PRR27: variants seen among roughly 807,000 people sequenced by gnomAD.
PRR27 encodes the protein proline-rich protein 27.
In PRR27, 12 loss-of-function variants were observed where a neutral mutation model predicts 16.8. The observed-to-expected ratio is 0.71, with a 90% CI of 0.46 to 1.16. The LOEUF is 1.16. PRR27 is among the 50% of genes most tolerant of loss of function. The pLI is 0.00. For synonymous variants in PRR27, 100 were observed against 98.4 expected (o/e 1.02, Z -0.10); for missense variants, 277 against 273.3 (o/e 1.01, Z -0.10).
chr4:70,155,224 A>G (rs1728447673), intron 1 of PRR27, among the ~76,000 whole-genome samples: 1 of 152,094 alleles, frequency 6.6e-6, no homozygotes, highest in East Asian at 1.9e-4. Context: ...ATTTTCCTGT[A>G]CTTTTTATTT....
At chr4:70,155,681 T>G (rs1157204986) in intron 1 of PRR27, among the ~76,000 whole-genome samples, 1 of 129,012 alleles carries the variant, frequency 7.8e-6, no homozygotes, top group African/African-American at 2.7e-5. Flanking sequence ...GGCCACACTT[T>G]AACACACAGA....
chr4:70,166,512 A>G lies in PRR27; in HGVS notation c.*3851A>G. ...TGTCGATAAGTTACAAAATCCATAT[A>G]TGAGTATGACACCAATAAGAACATT... On this transcript the variant is annotated 3_prime_UTR_variant, in exon 5 of 5. Transcript: ENST00000344526. 6.6e-6 allele frequency: 1 copy of G among 152,138 alleles called. No individual in the cohort carries two copies. The highest frequency in any genetic ancestry group is 1.9e-4 in the East Asian group (1 of 5,202). The allele number at this position is 152,138 out of a possible 1,614,324, so 9.4% of individuals were successfully genotyped here.
Position 70,156,043 on chromosome 4 carries a change from C to T in PRR27, c.52-11C>T. The T allele has an allele frequency of 7.1e-7, 1 of 1,417,144 alleles. No homozygotes were observed. Among genetic ancestry groups the T allele is most frequent in the Non-Finnish European group, 9.5e-7 (1 of 1,053,572 alleles). 87.8% of individuals were successfully genotyped at this position (1,417,144 alleles called of 1,614,324 possible). Reference sequence around the variant, plus strand: ...CATAACCGCATTAAAATATATTTTTCTTTATTTTAGAGACGGTTCCCCTTC... The same window carrying T: ...CATAACCGCATTAAAATATATTTTTTTTTATTTTAGAGACGGTTCCCCTTC... On this transcript the variant is annotated splice_polypyrimidine_tract_variant and intron_variant, in intron 1 of 4. Coordinates refer to ENST00000344526, the MANE Select transcript of PRR27 (RefSeq NM_214711.4).
At position 70,164,487 on chromosome 4, in the gene PRR27, G is replaced by C. The variant is rs1375724104; in HGVS notation, c.*1826G>C. 2.6e-5 allele frequency: 4 copies of C among 152,146 alleles called. No individual in the cohort carries two copies. The highest frequency in any genetic ancestry group is 3.2e-3 in the Middle Eastern group (1 of 316). 9.4% of individuals were successfully genotyped at this position (152,146 alleles called of 1,614,324 possible). ...TCTTAGACAGTAAAATTGTTAACTT[G>C]AGATGTTTGCTTCCATCTTCTAGAG... On this transcript the variant is annotated 3_prime_UTR_variant, in exon 5 of 5. Transcript: ENST00000344526.
Position 70,161,572 on chromosome 4 carries a change from T to C in PRR27, c.649-14T>C. 3 of 1,502,538 alleles carry C rather than the reference T, an allele frequency of 2.0e-6. No individual in the cohort carries two copies. The highest frequency in any genetic ancestry group is 1.7e-5 in the Admixed American group (1 of 58,228). 93.1% of individuals were successfully genotyped at this position (1,502,538 alleles called of 1,614,324 possible). ...GATTGTTTATGAAAAGATCTTTTTTTTAATGTTTTCTAGGCAAATCAGTGA... is the reference window on the plus strand; with the variant it reads ...GATTGTTTATGAAAAGATCTTTTTTCTAATGTTTTCTAGGCAAATCAGTGA... On this transcript the variant is annotated splice_polypyrimidine_tract_variant and intron_variant, in intron 3 of 4. Coordinates refer to ENST00000344526, the MANE Select transcript of PRR27 (RefSeq NM_214711.4).
At chr4:70,159,022 G>C (rs1320399036) in intron 3 of PRR27, 122 bp downstream of exon 3, 1 of 860,866 alleles carries the variant, frequency 1.2e-6, no homozygotes, top group Non-Finnish European at 1.8e-6. Context: ...GCTTTATTCA[G>C]ATACAATTGA....
chr4:70,154,762 T>C (rs1728438448), intron 1 of PRR27: 1 of 1,324,866 alleles, frequency 7.5e-7, no homozygotes, highest in Non-Finnish European at 9.9e-7. Context: ...GGATTGGGCT[T>C]CCTATGGCTG....
intron 2 of PRR27, among the ~76,000 whole-genome samples, chr4:70,156,848 A>G (rs1038734474): frequency 4.1e-5 from 6 of 147,542 alleles, no homozygotes; most frequent in Non-Finnish European, 6.0e-5. Flanking sequence ...TTTAAAATAG[A>G]AATATTATTA....
intron 4 of PRR27, 67 bp downstream of exon 4, chr4:70,161,697 C>G: frequency 1.4e-6 from 1 of 710,798 alleles, no homozygotes; most frequent in Non-Finnish European, 2.3e-6. Flanking sequence ...TAATCTGAAG[C>G]TACCTTGGAA....
rs897303510 is a variant in PRR27, at chr4:70,164,915, A to C, written c.*2254A>C. 6.6e-6 allele frequency: 1 copy of C among 152,142 alleles called. No homozygotes were observed. The highest frequency in any genetic ancestry group is 2.4e-5 in the African/African-American group (1 of 41,444). The allele number at this position is 152,142 out of a possible 1,614,324, so 9.4% of individuals were successfully genotyped here. A position where few individuals can be genotyped will look rare whatever the true frequency, so the allele number is the denominator to read the frequency against. On this transcript the variant is annotated 3_prime_UTR_variant, in exon 5 of 5. Transcript: ENST00000344526. ...AAGAAAATTTTGGAATTTTAAAAAT[A>C]AACATGACATCTTATCATGAGAAAC...
chr4:70,158,992 C>A, intron 3 of PRR27, 92 bp downstream of exon 3: 1 of 1,149,030 alleles, frequency 8.7e-7, no homozygotes, highest in Non-Finnish European at 1.2e-6. Context: ...AAATCTATAT[C>A]AACTTAAATA....
chr4:70,160,263 C>A (rs950327315), intron 3 of PRR27, among the ~76,000 whole-genome samples: 7 of 152,030 alleles, frequency 4.6e-5, no homozygotes, highest in Non-Finnish European at 8.8e-5. Context: ...ATGCTTAGCT[C>A]CCATTTATAA....
intron 2 of PRR27, among the ~76,000 whole-genome samples, chr4:70,157,235 T>C (rs1176091912): frequency 2.0e-5 from 3 of 152,068 alleles, no homozygotes; most frequent in Non-Finnish European, 4.4e-5. Context: ...GGCTGGGGAA[T>C]GTAGCATCCC....
At position 70,154,673 on chromosome 4, in the gene PRR27, G is replaced by T. The variant is rs376042536; in HGVS notation, c.51+247G>T. On this transcript the variant is annotated intron_variant, in intron 1 of 4. Coordinates refer to ENST00000344526, the MANE Select transcript of PRR27 (RefSeq NM_214711.4). ...GTAAGTTCATAAATGTAGGAGGCTG[G>T]AGGAGGAAAAATTATAGAAAAGCAG... 810 of 1,110,636 alleles carry T rather than the reference G, an allele frequency of 7.3e-4. 8 individuals carry two copies. In the South Asian group the frequency reaches 0.01, roughly 14 times the overall value. The allele number at this position is 1,110,636 out of a possible 1,614,324, so 68.8% of individuals were successfully genotyped here. A position where few individuals can be genotyped will look rare whatever the true frequency, so the allele number is the denominator to read the frequency against.
At chr4:70,159,260 A>G (rs1728578951) in intron 3 of PRR27, among the ~76,000 whole-genome samples, 1 of 152,180 alleles carries the variant, frequency 6.6e-6, no homozygotes, top group African/African-American at 2.4e-5. Context: ...ATAATATTGT[A>G]TGTACTCTTG....
At chr4:70,157,080 C>T (rs1273929843) in intron 2 of PRR27, among the ~76,000 whole-genome samples, 1 of 152,058 alleles carries the variant, frequency 6.6e-6, no homozygotes, top group East Asian at 1.9e-4. Context: ...CCTCTATGAA[C>T]ACCTGGGGAC....
Position 70,154,289 on chromosome 4 carries a change from A to T in PRR27, c.-87A>T, listed in dbSNP as rs1197132353. 11 of 1,166,940 alleles carry T rather than the reference A, an allele frequency of 9.4e-6. No homozygotes were observed. Among genetic ancestry groups the T allele is most frequent in the Middle Eastern group, 2.8e-4 (1 of 3,578 alleles). 72.3% of individuals were successfully genotyped at this position (1,166,940 alleles called of 1,614,324 possible). On this transcript the variant is annotated 5_prime_UTR_variant, in exon 1 of 5. The change abolishes the stop of an existing upstream ORF in the 5' untranslated region. Transcript: ENST00000344526. ...GCCATGTATTCTTTCGTTTCTCTCT[A>T]AAAGAAGAAAAATATAATTTAAAAA...
chr4:70,159,706 T>C (rs1397391409), intron 3 of PRR27, among the ~76,000 whole-genome samples: 1 of 152,182 alleles, frequency 6.6e-6, no homozygotes, highest in Non-Finnish European at 1.5e-5. Flanking sequence ...TGGACATACA[T>C]GTTCATGAGC....
chr4:70,158,869 C>T lies in PRR27; in HGVS notation c.617C>T (p.Pro206Leu). Residue 206 changes from proline (P) to leucine (L), a missense_variant, in exon 3 of 5, where the codon CCA (proline) becomes CTA (leucine). Physicochemically the swap from Pro to Leu is moderately conservative, Grantham distance 98. Coordinates refer to ENST00000344526, the MANE Select transcript of PRR27 (RefSeq NM_214711.4). ...AEPATAKPAA[P>L]EPHPSPSLEQ... Reference sequence around the variant, plus strand: ...CCTGCTACAGCCAAGCCTGCTGCCCCAGAACCTCACCCTTCTCCCTCTCTT... The same window carrying T: ...CCTGCTACAGCCAAGCCTGCTGCCCTAGAACCTCACCCTTCTCCCTCTCTT... 1 of 1,613,978 alleles carries T rather than the reference C, an allele frequency of 6.2e-7. No homozygotes were observed.
Sources: gnomAD v4.1 joint callset for allele counts (sites outside exome capture counted in the v4.1 genomes callset) on GRCh38, gnomAD v4.1.1 for gene constraint, MANE v1.5 for transcripts, NCBI Gene and HGNC (gene_info 2026-07-23, HGNC 2026-07-21) for gene names.